Variants in AUTS2 observed in about 807,000 individuals in gnomAD.
AUTS2 encodes activator of transcription and developmental regulator AUTS2, also known as autism susceptibility gene 2 protein.
AUTS2 carries 17 observed loss-of-function variants against 112.4 expected under a neutral mutation model. The ratio of observed to expected loss-of-function variants is 0.15; its 90% CI spans 0.10 to 0.23. The LOEUF (loss-of-function observed/expected upper bound fraction) is 0.23. Among genes scored for constraint, AUTS2 ranks in the 10% least tolerant of loss-of-function variants. The pLI, the probability that AUTS2 is intolerant of heterozygous loss-of-function variation, is 1.00. For missense variants in AUTS2, 1,510 were observed against 1,701.6 expected (o/e 0.89, Z 1.98); for synonymous variants, 751 against 702.7 (o/e 1.07, Z -1.09).
intron 1 of AUTS2, among the ~76,000 whole-genome samples, chr7:69,618,877 C>A (rs1426168647): frequency 1.3e-5 from 2 of 152,086 alleles, no homozygotes; most frequent in Admixed American, 1.3e-4. Flanking sequence ...TCAAACCTGG[C>A]CACACATTAG....
intron 4 of AUTS2, among the ~76,000 whole-genome samples, chr7:70,202,924 T>C (rs1323316252): frequency 5.6e-5 from 2 of 35,454 alleles, no homozygotes; most frequent in Non-Finnish European, 9.0e-5. Flanking sequence ...CTATTCACAA[T>C]AGCAAAGACT....
intron 1 of AUTS2, among the ~76,000 whole-genome samples, chr7:69,728,327 C>A (rs182827503): frequency 5.1e-4 from 77 of 152,306 alleles, no homozygotes; most frequent in African/African-American, 1.8e-3. Flanking sequence ...AACAAACCAC[C>A]AACTTGAAAT....
intron 4 of AUTS2, among the ~76,000 whole-genome samples, chr7:70,158,913 ATATGAG>A (rs1807931129): frequency 6.6e-6 from 1 of 152,222 alleles, no homozygotes. Context: ...TCTACATATG[ATATGAG>A]TATATCATTA....
At chr7:70,775,753 G>C (rs1563190601) in intron 13 of AUTS2, among the ~76,000 whole-genome samples, 1 of 152,162 alleles carries the variant, frequency 6.6e-6, no homozygotes, top group Non-Finnish European at 1.5e-5. Context: ...TATTTTGGCT[G>C]GTGGCTCCCT....
chr7:69,789,306 T>C (rs1789514852), intron 1 of AUTS2, among the ~76,000 whole-genome samples: 1 of 152,064 alleles, frequency 6.6e-6, no homozygotes, highest in African/African-American at 2.4e-5. Flanking sequence ...ACCAATTCAG[T>C]CAGAATCTCT....
chr7:70,759,063 G>A (rs1270377787), intron 6 of AUTS2, among the ~76,000 whole-genome samples: 1 of 152,218 alleles, frequency 6.6e-6, no homozygotes, highest in Admixed American at 6.5e-5. Context: ...CTGAAGTGCA[G>A]TGTTACAGCC....
At chr7:69,715,055 C>T (rs1295502199) in intron 1 of AUTS2, among the ~76,000 whole-genome samples, 12 of 151,870 alleles carry the variant, frequency 7.9e-5, no homozygotes, top group Non-Finnish European at 5.9e-5. Context: ...CTCAGTTGTG[C>T]TCACCACTGC....
intron 1 of AUTS2, among the ~76,000 whole-genome samples, chr7:69,629,888 T>C (rs950428629): frequency 1.3e-5 from 2 of 152,052 alleles, no homozygotes; most frequent in Non-Finnish European, 2.9e-5. Context: ...AACAGGATTT[T>C]TAAAATTTCA....
intron 1 of AUTS2, among the ~76,000 whole-genome samples, chr7:69,835,506 A>T (rs1386560326): frequency 6.6e-6 from 1 of 152,184 alleles, no homozygotes; most frequent in Non-Finnish European, 1.5e-5. Context: ...AAATACGGAG[A>T]TAAATGCCAT....
At chr7:70,220,265 T>C (rs118066016) in intron 4 of AUTS2, among the ~76,000 whole-genome samples, 2,005 of 152,310 alleles carry the variant, frequency 0.013, 21 homozygotes, top group Non-Finnish European at 0.021. Context: ...TTTAAAAATA[T>C]AAAAGCCATT....
At chr7:69,911,890 G>T (rs1457787177) in intron 2 of AUTS2, among the ~76,000 whole-genome samples, 1 of 152,144 alleles carries the variant, frequency 6.6e-6, no homozygotes. Context: ...GCTTCAGGTT[G>T]TCCCTGGCTT....
rs773158153 is a variant in AUTS2 at position 70,084,229 on chromosome 7, A to T, written c.523-33903A>T. ...GGGGGTTCTGGCTTCTTTCACTCAT[A>T]TTATGCTTATCCACATTGTGCTGTA... On this transcript the variant is annotated intron_variant, in intron 2 of 18. Transcript: ENST00000342771. Among the ~76,000 whole-genome samples, 38 of 152,078 alleles carry T rather than the reference A, an allele frequency of 2.5e-4. 1 individual carries two copies. The highest frequency in any genetic ancestry group is 5.0e-4 in the Non-Finnish European group (34 of 68,028).
chr7:70,242,500 A>G (rs1309033089), intron 4 of AUTS2, among the ~76,000 whole-genome samples: 2 of 152,218 alleles, frequency 1.3e-5, no homozygotes, highest in South Asian at 2.1e-4. Flanking sequence ...TTTTTATGTT[A>G]AAACAAATTA....
intron 2 of AUTS2, among the ~76,000 whole-genome samples, chr7:70,006,441 G>C (rs773586874): frequency 6.6e-6 from 1 of 152,054 alleles, no homozygotes; most frequent in Non-Finnish European, 1.5e-5. Flanking sequence ...AATGTGAGAC[G>C]AGAGCAGCAT....
At chr7:70,731,498 C>T (rs373082668) in intron 6 of AUTS2, among the ~76,000 whole-genome samples, 15 of 129,004 alleles carry the variant, frequency 1.2e-4, no homozygotes, top group East Asian at 5.7e-4. Context: ...GGTGCAATCT[C>T]GGCTCACTGC....
chr7:69,640,558 C>T (rs571798125), intron 1 of AUTS2, among the ~76,000 whole-genome samples: 62 of 152,282 alleles, frequency 4.1e-4, no homozygotes, highest in East Asian at 5.8e-4. Flanking sequence ...TAGAAAAATG[C>T]GGCCAGGATG....
intron 5 of AUTS2, among the ~76,000 whole-genome samples, chr7:70,445,865 T>C (rs1290314967): frequency 6.6e-6 from 1 of 152,218 alleles, no homozygotes; most frequent in African/African-American, 2.4e-5. Context: ...CAGAAGTTGC[T>C]TTATTGGTTA....
At chr7:70,174,877 G>C (rs558694099) in intron 4 of AUTS2, among the ~76,000 whole-genome samples, 18 of 152,170 alleles carry the variant, frequency 1.2e-4, no homozygotes, top group Non-Finnish European at 2.4e-4. Flanking sequence ...AGTTGTACAA[G>C]GAGATAAATG....
chr7:70,007,439 T>C (rs1799595331), intron 2 of AUTS2, among the ~76,000 whole-genome samples: 1 of 152,218 alleles, frequency 6.6e-6, no homozygotes. Flanking sequence ...CCTGTATTTC[T>C]CTTGTATACT....
Sources: allele counts gnomAD v4.1 joint callset (sites outside exome capture counted in the v4.1 genomes callset), GRCh38; gene constraint gnomAD v4.1.1; transcripts MANE v1.5; gene names NCBI Gene and HGNC (gene_info 2026-07-23, HGNC 2026-07-21).